Variants in GRK5 observed in about 807,000 individuals in gnomAD.
GRK5 encodes the protein G protein-coupled receptor kinase 5, also known as g protein-coupled receptor kinase GRK5.
A neutral mutation model predicts 78.4 loss-of-function variants in GRK5; 40 were observed. That is an observed-to-expected ratio of 0.51 (90% CI 0.40 to 0.66). GRK5 has a LOEUF of 0.66. Ranked by LOEUF, GRK5 falls within the 30% of genes least tolerant of loss-of-function variation. The pLI is 0.00. For synonymous variants in GRK5, 289 were observed against 296.8 expected (o/e 0.97, Z 0.27); for missense variants, 598 against 759.9 (o/e 0.79, Z 2.50).
At chr10:119,262,323 C>T (rs371114660) in intron 1 of GRK5, among the ~76,000 whole-genome samples, 4 of 127,726 alleles carry the variant, frequency 3.1e-5, no homozygotes, top group Admixed American at 8.6e-5. Flanking sequence ...ATGTTTTTAA[C>T]TTTGGGTTTT....
intron 8 of GRK5, among the ~76,000 whole-genome samples, chr10:119,432,828 T>C (rs1220631997): frequency 6.6e-6 from 1 of 152,194 alleles, no homozygotes; most frequent in Admixed American, 6.5e-5. Flanking sequence ...CTCAGCACTT[T>C]GGGAGGTCGA....
At chr10:119,258,493 A>G (rs1298978238) in intron 1 of GRK5, among the ~76,000 whole-genome samples, 1 of 152,238 alleles carries the variant, frequency 6.6e-6, no homozygotes, top group African/African-American at 2.4e-5. Context: ...TAATTTTATA[A>G]GAAACCTGCA....
rs1848409284 is a variant in GRK5, at chr10:119,207,759, T to C, written c.-159T>C. 3 of 693,152 alleles carry C rather than the reference T, an allele frequency of 4.3e-6. No individual in the cohort carries two copies. In the South Asian group the frequency reaches 5.9e-5, roughly 14 times the overall value. 42.9% of individuals were successfully genotyped at this position (693,152 alleles called of 1,614,324 possible). On this transcript the variant is annotated 5_prime_UTR_variant, in exon 1 of 16. Transcript: ENST00000392870. The stretch of plus-strand genomic sequence containing the variant: ...CTCCTCTTTGCAGAGGGGGAAACTC[T>C]TGGGCTGAGAGCAGGAATAATGCGG...
chr10:119,261,548 G>T (rs949276552), intron 1 of GRK5, among the ~76,000 whole-genome samples: 2 of 151,810 alleles, frequency 1.3e-5, no homozygotes, highest in Non-Finnish European at 2.9e-5. Context: ...CAAGGCAGGC[G>T]GCTGGGAGGT....
At chr10:119,426,851 C>A (rs573062879) in intron 6 of GRK5, among the ~76,000 whole-genome samples, 1 of 152,348 alleles carries the variant, frequency 6.6e-6, no homozygotes, top group South Asian at 2.1e-4. Flanking sequence ...GCATCACCAC[C>A]ATCATCAGTA....
At chr10:119,439,653 G>A (rs1373506062) in intron 9 of GRK5, 78 bp from the exon 10 acceptor site, 35 of 1,423,970 alleles carry the variant, frequency 2.5e-5, no homozygotes, top group Middle Eastern at 1.7e-4. Flanking sequence ...TGATTAGCCC[G>A]AGGGGTCGAC....
intron 5 of GRK5, 79 bp from the exon 6 acceptor site, chr10:119,424,914 C>T: frequency 1.9e-6 from 2 of 1,037,918 alleles, no homozygotes; most frequent in Non-Finnish European, 3.0e-6. Context: ...CTTGCATTTC[C>T]AAAGCTGGAC....
chr10:119,454,743 A>G (rs1241163129), intron 15 of GRK5, among the ~76,000 whole-genome samples: 2 of 152,174 alleles, frequency 1.3e-5, no homozygotes, highest in Admixed American at 1.3e-4. Context: ...GGTGGATATT[A>G]TAGGAGGGGC....
intron 1 of GRK5, among the ~76,000 whole-genome samples, chr10:119,314,919 G>T (rs1355167608): frequency 6.6e-6 from 1 of 152,228 alleles, no homozygotes; most frequent in Non-Finnish European, 1.5e-5. Flanking sequence ...ACCCAGGCAG[G>T]GGCTGGCTGT....
intron 2 of GRK5, among the ~76,000 whole-genome samples, chr10:119,342,746 T>C (rs1171011371): frequency 6.6e-6 from 1 of 152,102 alleles, no homozygotes; most frequent in Non-Finnish European, 1.5e-5. Flanking sequence ...TGCTGCCAGG[T>C]GGTGGGGAGC....
chr10:119,430,252 C>T lies in GRK5; in HGVS notation c.534-123C>T. 1.2e-6 allele frequency: 1 copy of T among 816,262 alleles called. No homozygotes were observed. The highest frequency in any genetic ancestry group is 1.4e-5 in the South Asian group (1 of 69,456). The allele number at this position is 816,262 out of a possible 1,614,324, so 50.6% of individuals were successfully genotyped here. A position where few individuals can be genotyped will look rare whatever the true frequency, so the allele number is the denominator to read the frequency against. ...TCCAGCGATGATTCCTGGGGGGTCC[C>T]TGGGGCTGCTGTGGGGCTCCTGGAA... is the stretch of plus-strand genomic sequence containing the variant. On this transcript the variant is annotated intron_variant, in intron 6 of 15. Coordinates refer to ENST00000392870, the MANE Select transcript of GRK5 (RefSeq NM_005308.3). This position sits in a 1 kb window ranked among gnomAD's most constrained non-coding sequence, Gnocchi z 4.5.
intron 1 of GRK5, among the ~76,000 whole-genome samples, chr10:119,228,863 C>T (rs574266517): frequency 2.0e-5 from 3 of 152,248 alleles, no homozygotes; most frequent in East Asian, 3.9e-4. Flanking sequence ...CATGCCAGGT[C>T]TTCTGAATCT....
At chr10:119,409,735 G>A (rs1265898800) in intron 4 of GRK5, among the ~76,000 whole-genome samples, 1 of 150,178 alleles carries the variant, frequency 6.7e-6, no homozygotes, top group African/African-American at 2.4e-5. Context: ...CCTTTATTTT[G>A]CAGCCCGAAG....
intron 4 of GRK5, among the ~76,000 whole-genome samples, chr10:119,413,934 T>A (rs1852394164): frequency 6.6e-6 from 1 of 151,980 alleles, no homozygotes; most frequent in Non-Finnish European, 1.5e-5. Context: ...CTGACGCAGA[T>A]CCCCTCGAGG....
chr10:119,219,000 C>T lies in GRK5; in HGVS notation c.52+11031C>T, dbSNP rs553232965. Among the ~76,000 whole-genome samples, 39 of 148,272 alleles carry T rather than the reference C, an allele frequency of 2.6e-4. No individual in the cohort carries two copies. The Middle Eastern group carries it at 0.014, about 52-fold the overall frequency. ...GCAACCTCCGCTTCCCGGGTTCAAG[C>T]GATTCTCCTGCCTCAGTCTCCCAAG... On this transcript the variant is annotated intron_variant, in intron 1 of 15. Transcript: ENST00000392870.
chr10:119,385,758 G>A (rs1851783598), intron 3 of GRK5, among the ~76,000 whole-genome samples: 1 of 152,182 alleles, frequency 6.6e-6, no homozygotes, highest in South Asian at 2.1e-4. Flanking sequence ...CTCCGTTTTA[G>A]GCACACGCGC....
At chr10:119,311,870 G>A (rs1449925536) in intron 1 of GRK5, among the ~76,000 whole-genome samples, 2 of 151,444 alleles carry the variant, frequency 1.3e-5, no homozygotes, top group African/African-American at 4.8e-5. Flanking sequence ...CGGAGGTGGT[G>A]GAAGCTCAAC....
chr10:119,313,989 C>T (rs993536251), intron 1 of GRK5, among the ~76,000 whole-genome samples: 6 of 152,334 alleles, frequency 3.9e-5, no homozygotes, highest in Middle Eastern at 3.4e-3. Context: ...CCGCCCCACG[C>T]GCCTCACACC....
At chr10:119,249,358 TATC>T (rs1444436030) in intron 1 of GRK5, among the ~76,000 whole-genome samples, 1 of 152,194 alleles carries the variant, frequency 6.6e-6, no homozygotes, top group East Asian at 1.9e-4. Context: ...ATCAAATAAA[TATC>T]ATATGTAGAA....
Sources: gnomAD v4.1 joint callset for allele counts (sites outside exome capture counted in the v4.1 genomes callset) on GRCh38, gnomAD v4.1.1 for gene constraint, Gnocchi (gnomAD v3.1) non-coding constraint, MANE v1.5 for transcripts, NCBI Gene and HGNC (gene_info 2026-07-23, HGNC 2026-07-21) for gene names.